The following LAMC1 variants were observed in gnomAD, a reference collection of about 807,000 sequenced individuals.
LAMC1 encodes the protein laminin subunit gamma 1.
In LAMC1, 38 loss-of-function variants were observed where a neutral mutation model predicts 173.6. The ratio of observed to expected loss-of-function variants is 0.22; its 90% CI spans 0.17 to 0.29. LAMC1 has a LOEUF of 0.29. Ranked by LOEUF, LAMC1 falls within the 10% of genes least tolerant of loss-of-function variation. The pLI is 1.00. For missense variants in LAMC1, 1,824 were observed against 2,051.8 expected (o/e 0.89, Z 2.14); for synonymous variants, 746 against 749.1 (o/e 1.00, Z 0.07).
At chr1:183,065,334 G>T (rs372491031) in intron 1 of LAMC1, among the ~76,000 whole-genome samples, 1 of 152,194 alleles carries the variant, frequency 6.6e-6, no homozygotes, top group Non-Finnish European at 1.5e-5. Context: ...TTATGTGATT[G>T]TAGGGGCTGG....
intron 1 of LAMC1, among the ~76,000 whole-genome samples, chr1:183,093,071 G>T (rs1295711150): frequency 6.6e-6 from 1 of 152,192 alleles, no homozygotes; most frequent in Middle Eastern, 3.2e-3. Context: ...TTGAGGCCAG[G>T]AGTTCAGTGT....
In LAMC1 at chr1:183,108,340, T is replaced by G; in HGVS notation, c.788T>G (p.Val263Gly). 1 of 1,613,506 alleles carries G rather than the reference T, an allele frequency of 6.2e-7. No homozygotes were observed. Among genetic ancestry groups the G allele is most frequent in the Non-Finnish European group, 8.5e-7 (1 of 1,179,518 alleles). Residue 263 changes from valine (V) to glycine (G), a missense_variant, in exon 3 of 28, where the codon GTG becomes GGG. Coordinates refer to ENST00000258341, the MANE Select transcript of LAMC1 (RefSeq NM_002293.4). Reference protein sequence around the residue: ...LNRLNTFGDEVFNDPKVLKSY... With the variant: ...LNRLNTFGDEGFNDPKVLKSY... Reference sequence around the variant, plus strand: ...CGCCTGAACACTTTTGGAGATGAAGTGTTTAACGATCCCAAAGTTCTCAAG... The same window carrying G: ...CGCCTGAACACTTTTGGAGATGAAGGGTTTAACGATCCCAAAGTTCTCAAG...
intron 1 of LAMC1, among the ~76,000 whole-genome samples, chr1:183,071,124 A>G (rs1655001860): frequency 6.7e-6 from 1 of 149,178 alleles, no homozygotes; most frequent in African/African-American, 2.5e-5. Flanking sequence ...TTAAAGACTG[A>G]TCCAGGAAGC....
In LAMC1 at chr1:183,127,413, T is replaced by C. The variant is rs372685068; in HGVS notation, c.3123+9T>C. 1 of 1,613,044 alleles carries C rather than the reference T, an allele frequency of 6.2e-7. No individual in the cohort carries two copies. Among genetic ancestry groups the C allele is most frequent in the Non-Finnish European group, 8.5e-7 (1 of 1,179,234 alleles). On this transcript the variant is annotated intron_variant, in intron 17 of 27. Transcript: ENST00000258341. ...GGCTGGTAAAGGATAAGGTAAGCTG[T>C]CAATAGTGCATTCATTCATTCATCC...
At chr1:183,112,968 G>A (rs1474131619) in intron 4 of LAMC1, among the ~76,000 whole-genome samples, 4 of 152,016 alleles carry the variant, frequency 2.6e-5, no homozygotes, top group Admixed American at 6.6e-5. Flanking sequence ...AGACTCATTT[G>A]GGACCAACCT....
intron 1 of LAMC1, among the ~76,000 whole-genome samples, chr1:183,060,872 T>C (rs1654729439): frequency 6.6e-6 from 1 of 152,168 alleles, no homozygotes; most frequent in African/African-American, 2.4e-5. Flanking sequence ...AAATATCGTG[T>C]TGAGAAGTAG....
chr1:183,050,362 A>G (rs1017928083), intron 1 of LAMC1, among the ~76,000 whole-genome samples: 2 of 148,302 alleles, frequency 1.3e-5, no homozygotes, highest in African/African-American at 5.0e-5. Flanking sequence ...GCTCACTGCA[A>G]GCGCCACCTC....
In LAMC1 at chr1:183,127,287, A is replaced by G. The variant is rs777332053; in HGVS notation, c.3006A>G (p.Glu1002=). The G allele has an allele frequency of 1.2e-6, 2 of 1,614,196 alleles. No individual in the cohort carries two copies. The highest frequency in any genetic ancestry group is 1.7e-6 in the Non-Finnish European group (2 of 1,180,024). Reference sequence around the variant, plus strand: ...AGTGCAAAGATGATGGTCGCTGTGAATGCAGAGAAGGCTTTGTGGGAAATC... The same window carrying G: ...AGTGCAAAGATGATGGTCGCTGTGAGTGCAGAGAAGGCTTTGTGGGAAATC... ...SLQCKDDGRC[E]CREGFVGNRC... The change falls in exon 17 of 28, where the codon GAA becomes GAG. Residue 1002 remains glutamate, a synonymous_variant. Transcript: ENST00000258341.
At chr1:183,127,152 G>A (rs1656641946) in intron 16 of LAMC1, 74 bp from the exon 17 acceptor site, 1 of 1,408,374 alleles carries the variant, frequency 7.1e-7, no homozygotes, top group Admixed American at 1.9e-5. Flanking sequence ...TCAGCTTATT[G>A]TTATCAGTCT....
chr1:183,042,268 G>A (rs948475348), intron 1 of LAMC1, among the ~76,000 whole-genome samples: 3 of 152,058 alleles, frequency 2.0e-5, no homozygotes, highest in African/African-American at 7.2e-5. Context: ...CTGGGTGATA[G>A]GCCCCTGTGC....
intron 23 of LAMC1, 89 bp from the exon 24 acceptor site, chr1:183,134,951 CAG>C (rs1656896425): frequency 7.4e-7 from 1 of 1,345,760 alleles, no homozygotes; most frequent in South Asian, 1.2e-5. Flanking sequence ...TGGCAAGTCT[CAG>C]GGTGGCACCT....
At chr1:183,102,671 G>A (rs1655865390) in intron 1 of LAMC1, among the ~76,000 whole-genome samples, 1 of 152,160 alleles carries the variant, frequency 6.6e-6, no homozygotes, top group African/African-American at 2.4e-5. Flanking sequence ...TGAACATATT[G>A]AAACAACCTT....
intron 1 of LAMC1, among the ~76,000 whole-genome samples, chr1:183,099,792 C>T (rs904855828): frequency 2.0e-5 from 3 of 152,150 alleles, no homozygotes; most frequent in Non-Finnish European, 2.9e-5. Flanking sequence ...AGACATCTCT[C>T]TTGGCCCGTC....
At chr1:183,131,113 G>A (rs1571462157) in intron 19 of LAMC1, among the ~76,000 whole-genome samples, 186 bp from the exon 20 acceptor site, 1 of 148,404 alleles carries the variant, frequency 6.7e-6, no homozygotes, top group African/African-American at 2.5e-5. Flanking sequence ...AGCAGAGGTT[G>A]CGGTGAACTG....
chr1:183,044,740 A>T (rs543554370), intron 1 of LAMC1, among the ~76,000 whole-genome samples: 173 of 152,190 alleles, frequency 1.1e-3, no homozygotes, highest in African/African-American at 3.8e-3. Context: ...TCCTTTAAGA[A>T]CTGGAAAATA....
chr1:183,072,560 A>G (rs1159117038), intron 1 of LAMC1, among the ~76,000 whole-genome samples: 1 of 152,166 alleles, frequency 6.6e-6, no homozygotes, highest in African/African-American at 2.4e-5. Context: ...GTGAGAGACT[A>G]TTGAGGTGTG....
intron 1 of LAMC1, among the ~76,000 whole-genome samples, chr1:183,075,126 CTTT>C (rs34893443): frequency 7.4e-6 from 1 of 135,824 alleles, no homozygotes. Flanking sequence ...CTGATGTGGG[CTTT>C]TTTTTTTTTT....
chr1:183,026,844 T>TAA, intron 1 of LAMC1, among the ~76,000 whole-genome samples: 1 of 152,232 alleles, frequency 6.6e-6, no homozygotes. Context: ...CTGACTTTTT[T>TAA]AAATTATGAA....
At chr1:183,090,884 C>T (rs1313688029) in intron 1 of LAMC1, among the ~76,000 whole-genome samples, 1 of 152,012 alleles carries the variant, frequency 6.6e-6, no homozygotes, top group African/African-American at 2.4e-5. Context: ...TGTTGTTTTC[C>T]TTGTCTTTCT....
Sources: gnomAD v4.1 joint callset for allele counts (sites outside exome capture counted in the v4.1 genomes callset) on GRCh38, gnomAD v4.1.1 for gene constraint, MANE v1.5 for transcripts, NCBI Gene and HGNC (gene_info 2026-07-23, HGNC 2026-07-21) for gene names.